MACROD2: variants seen among roughly 807,000 people sequenced by gnomAD.
MACROD2 encodes mono-ADP ribosylhydrolase 2, also known as ADP-ribose glycohydrolase MACROD2.
A neutral mutation model predicts 70.4 loss-of-function variants in MACROD2; 36 were observed. The ratio of observed to expected loss-of-function variants is 0.51; its 90% CI spans 0.39 to 0.68. The LOEUF (loss-of-function observed/expected upper bound fraction) is 0.68. MACROD2 is among the 30% of genes least tolerant of loss of function. MACROD2 has a pLI of 0.00. For missense variants in MACROD2, 496 were observed against 538.4 expected, an observed-to-expected ratio of 0.92 and a Z score of 0.78; for synonymous variants, 172 against 178.8, an observed-to-expected ratio of 0.96 and a Z score of 0.30.
intron 4 of MACROD2, among the ~76,000 whole-genome samples, chr20:14,527,163 G>A (rs1441656894): frequency 6.6e-6 from 1 of 152,158 alleles, no homozygotes; most frequent in Admixed American, 6.5e-5. Flanking sequence ...CTGGCCTGCC[G>A]ACGTCTGTCA....
At chr20:14,008,395 C>T (rs2052851598) in intron 2 of MACROD2, among the ~76,000 whole-genome samples, 1 of 152,156 alleles carries the variant, frequency 6.6e-6, no homozygotes, top group Non-Finnish European at 1.5e-5. Flanking sequence ...GAATAAAATA[C>T]TTAGGAATGT....
chr20:14,885,694 C>A (rs949033580), intron 5 of MACROD2, among the ~76,000 whole-genome samples: 2 of 152,174 alleles, frequency 1.3e-5, no homozygotes, highest in African/African-American at 4.8e-5. Context: ...TGGCCCTTAG[C>A]CTTCAGCTTT....
rs557450616 is a variant in MACROD2, at chr20:14,856,410, T to C, written c.418+171451T>C. Reference sequence around the variant, plus strand: ...AGGGAGAAATGGGGAAATCCAGTTATAAAAGCTATCTGAGCATTTAGCTAG... The same window carrying C: ...AGGGAGAAATGGGGAAATCCAGTTACAAAAGCTATCTGAGCATTTAGCTAG... On this transcript the variant is annotated intron_variant, in intron 5 of 17. Coordinates refer to ENST00000684519, the MANE Select transcript of MACROD2 (RefSeq NM_001351661.2). Among the ~76,000 whole-genome samples the C allele has an allele frequency of 3.3e-5, 5 of 152,302 alleles. No individual in the cohort carries two copies. In the South Asian group the frequency reaches 8.3e-4, roughly 25 times the overall value.
At chr20:15,605,371 T>C (rs1425684430) in intron 8 of MACROD2, among the ~76,000 whole-genome samples, 2 of 151,892 alleles carry the variant, frequency 1.3e-5, no homozygotes, top group African/African-American at 4.8e-5. Context: ...AGATGCAAAA[T>C]GAAAAGAGGG....
intron 3 of MACROD2, among the ~76,000 whole-genome samples, chr20:14,242,224 A>G (rs1463680014): frequency 6.6e-6 from 1 of 152,168 alleles, no homozygotes; most frequent in East Asian, 1.9e-4. Flanking sequence ...TTCCTATCTG[A>G]TAACAATTTT....
intron 3 of MACROD2, among the ~76,000 whole-genome samples, chr20:14,356,810 G>T (rs1012989671): frequency 6.6e-6 from 1 of 151,998 alleles, no homozygotes; most frequent in African/African-American, 2.4e-5. Flanking sequence ...TGGCCTGGAG[G>T]ATCTACTTTC....
At position 15,321,262 on chromosome 20, in the gene MACROD2, C is replaced by G. The variant is rs548923177; in HGVS notation, c.540+91201C>G. Among the ~76,000 whole-genome samples, 2 of 143,820 alleles carry G rather than the reference C, an allele frequency of 1.4e-5. 1 individual carries two copies. Among genetic ancestry groups the G allele is most frequent in the Non-Finnish European group, 3.1e-5 (2 of 63,584 alleles). 94.4% of individuals were successfully genotyped at this position (143,820 alleles called of 152,430 possible). On this transcript the variant is annotated intron_variant, in intron 6 of 17. Coordinates refer to ENST00000684519, the MANE Select transcript of MACROD2 (RefSeq NM_001351661.2). Reference sequence around the variant, plus strand: ...TTGACTTTGGTCCCATTTAGTTTCCCAATGTCTAACTTGCATTTACCCTTC... The same window carrying G: ...TTGACTTTGGTCCCATTTAGTTTCCGAATGTCTAACTTGCATTTACCCTTC...
chr20:15,582,591 G>A (rs956816946), intron 8 of MACROD2, among the ~76,000 whole-genome samples: 3 of 152,172 alleles, frequency 2.0e-5, no homozygotes, highest in African/African-American at 4.8e-5. Context: ...CCCTCCGCAC[G>A]ACTCATGTAG....
intron 8 of MACROD2, among the ~76,000 whole-genome samples, chr20:15,610,991 C>CTGTTTTTTT (rs2048959904): frequency 1.7e-5 from 1 of 60,088 alleles, no homozygotes; most frequent in Non-Finnish European, 3.1e-5. Flanking sequence ...AGCCAAAAAT[C>CTGTTTTTTT]TTTTTTTTTT....
intron 8 of MACROD2, among the ~76,000 whole-genome samples, chr20:15,557,893 G>A: frequency 6.6e-6 from 1 of 152,010 alleles, no homozygotes; most frequent in Non-Finnish European, 1.5e-5. Flanking sequence ...TGTTATGTAG[G>A]AGTCATCAAC....
chr20:15,448,228 G>T (rs924612855), intron 7 of MACROD2, among the ~76,000 whole-genome samples: 4 of 152,036 alleles, frequency 2.6e-5, no homozygotes, highest in African/African-American at 9.7e-5. Flanking sequence ...CCCTAGAGTG[G>T]TCTTACCTTG....
In MACROD2 at chr20:14,734,450, G is replaced by A. The variant is rs142531109; in HGVS notation, c.418+49491G>A. ...TGGGAGGTGGAGCTTGCAGTGAGCC[G>A]AGATCAAACCACTGCACTCCAGCCT... On this transcript the variant is annotated intron_variant, in intron 5 of 17. Coordinates refer to ENST00000684519, the MANE Select transcript of MACROD2 (RefSeq NM_001351661.2). Among the ~76,000 whole-genome samples the A allele has an allele frequency of 5.5e-3, 827 of 149,474 alleles. 29 individuals carry two copies. The highest frequency in any genetic ancestry group is 0.04 in the Admixed American group (598 of 15,016).
At chr20:15,690,768 T>G (rs1303742640) in intron 8 of MACROD2, among the ~76,000 whole-genome samples, 2 of 152,264 alleles carry the variant, frequency 1.3e-5, no homozygotes, top group East Asian at 3.9e-4. Context: ...AAATCTAAAA[T>G]AGACCATGAT....
chr20:15,328,487 G>A (rs892071329), intron 6 of MACROD2, among the ~76,000 whole-genome samples: 3 of 152,056 alleles, frequency 2.0e-5, no homozygotes, highest in Admixed American at 6.6e-5. Flanking sequence ...AGAGATTTTT[G>A]ACATCATTGC....
At chr20:15,759,403 T>C (rs1228644439) in intron 8 of MACROD2, among the ~76,000 whole-genome samples, 1 of 152,154 alleles carries the variant, frequency 6.6e-6, no homozygotes, top group African/African-American at 2.4e-5. Context: ...AAATGCCTGA[T>C]AGAGGATAAT....
chr20:15,072,219 A>G (rs2075624330), intron 5 of MACROD2, among the ~76,000 whole-genome samples: 1 of 152,216 alleles, frequency 6.6e-6, no homozygotes, highest in South Asian at 2.1e-4. Context: ...TCCTTTGTTG[A>G]CAAATAGTTA....
intron 2 of MACROD2, among the ~76,000 whole-genome samples, chr20:14,076,654 G>A (rs2053919756): frequency 6.6e-6 from 1 of 152,096 alleles, no homozygotes. Context: ...ACTCCAGCTT[G>A]GGTGACAGAG....
At chr20:14,454,545 G>C in intron 3 of MACROD2, among the ~76,000 whole-genome samples, 1 of 151,706 alleles carries the variant, frequency 6.6e-6, no homozygotes, top group Non-Finnish European at 1.5e-5. Flanking sequence ...CTGGTGGTAG[G>C]TTGTAACAGC....
At chr20:15,620,226 G>T (rs1414667935) in intron 8 of MACROD2, among the ~76,000 whole-genome samples, 1 of 152,152 alleles carries the variant, frequency 6.6e-6, no homozygotes, top group Non-Finnish European at 1.5e-5. Context: ...CATTCACTGA[G>T]TTAAGAAGGA....
Sources: allele counts gnomAD v4.1 joint callset (sites outside exome capture counted in the v4.1 genomes callset), GRCh38; gene constraint gnomAD v4.1.1; transcripts MANE v1.5; gene names NCBI Gene and HGNC (gene_info 2026-07-23, HGNC 2026-07-21).